Variants in LCA5L observed in about 807,000 individuals in gnomAD.
The protein encoded by LCA5L is lebercilin LCA5 like.
In LCA5L, 35 loss-of-function variants were observed where a neutral mutation model predicts 45.4. The observed-to-expected ratio is 0.77, with a 90% CI of 0.59 to 1.02. The LOEUF is 1.02. Among genes scored for constraint, LCA5L ranks in the 50% least tolerant of loss-of-function variants. The probability of loss-of-function intolerance (pLI) is 0.00; values close to 1 mark genes in which losing one functional copy is unlikely to be tolerated. For synonymous variants in LCA5L, 233 were observed against 264.7 expected (o/e 0.88, Z 1.16); for missense variants, 668 against 761.6 (o/e 0.88, Z 1.45).
rs2039617228 is a variant in LCA5L at position 39,409,105 on chromosome 21, G to A, written c.1282+874C>T. 1.3e-5 allele frequency among the ~76,000 whole-genome samples: 2 copies of A among 152,152 alleles called. No individual in the cohort carries two copies. Among genetic ancestry groups the A allele is most frequent in the Non-Finnish European group, 2.9e-5 (2 of 68,018 alleles). ...TAAGGTTAAATGAGATCACAAGGTT[G>A]GGGCCTTCATGACGGAATTAGTGTC... On this transcript the variant is annotated intron_variant, in intron 10 of 10. Coordinates refer to ENST00000288350, the MANE Select transcript of LCA5L (RefSeq NM_152505.4). This position sits in a 1 kb window ranked among gnomAD's most constrained non-coding sequence, Gnocchi z 4.2.
chr21:39,416,579 T>G (rs984127772), intron 7 of LCA5L, among the ~76,000 whole-genome samples: 1 of 152,312 alleles, frequency 6.6e-6, no homozygotes, highest in South Asian at 2.1e-4. Context: ...TTGCTCCTGG[T>G]TACTCTGAGA....
At chr21:39,406,920 A>T (rs1168911827) in intron 10 of LCA5L, among the ~76,000 whole-genome samples, 4 of 152,202 alleles carry the variant, frequency 2.6e-5, no homozygotes, top group African/African-American at 9.7e-5. Flanking sequence ...CACTAACTGG[A>T]CATACTGCCA....
At chr21:39,414,713 C>CCTCT (rs147915021) in intron 7 of LCA5L, among the ~76,000 whole-genome samples, 1,289 of 119,858 alleles carry the variant, frequency 0.011, 23 homozygotes, top group East Asian at 0.044. Flanking sequence ...TGGTTCTCTC[C>CCTCT]CTCTCTCTCT....
At chr21:39,433,932 T>C (rs1476326470) in intron 3 of LCA5L, among the ~76,000 whole-genome samples, 4 of 140,486 alleles carry the variant, frequency 2.8e-5, no homozygotes, top group Non-Finnish European at 6.0e-5. Flanking sequence ...TCCAGCTTTT[T>C]TTTTTTTTTT....
chr21:39,440,292 A>T (rs1014102623), intron 2 of LCA5L, among the ~76,000 whole-genome samples: 1 of 152,220 alleles, frequency 6.6e-6, no homozygotes, highest in Non-Finnish European at 1.5e-5. Flanking sequence ...AGGGCACAGG[A>T]GCCAGCTTTA....
In LCA5L at chr21:39,428,598, A is replaced by AT. The variant is rs550342233; in HGVS notation, c.-10-96dup. The AT allele has an allele frequency of 2.8e-3, 90 of 32,024 alleles. 5 individuals carry two copies. Among genetic ancestry groups the AT allele is most frequent in the South Asian group, 5.5e-3 (3 of 546 alleles). The allele number at this position is 32,024 out of a possible 1,614,324, so 2.0% of individuals were successfully genotyped here. On this transcript the variant is annotated intron_variant, in intron 4 of 10. Transcript: ENST00000288350. ...TTATTTTATATATATATATATATAT[A>AT]TTTTTTTTTTTTTTTTTTTTTTTTT...
At chr21:39,425,313 AAACAATG>A (rs1254824385) in intron 5 of LCA5L, among the ~76,000 whole-genome samples, 2 of 152,224 alleles carry the variant, frequency 1.3e-5, no homozygotes, top group Non-Finnish European at 2.9e-5. Flanking sequence ...CCTGTGATAG[AAACAATG>A]AACCAAGAGA....
chr21:39,445,188 C>G (rs1190418264), intron 1 of LCA5L, among the ~76,000 whole-genome samples: 1 of 140,458 alleles, frequency 7.1e-6, no homozygotes, highest in African/African-American at 2.6e-5. Context: ...TAAAGAGCCC[C>G]GAGGCTGGGT....
At chr21:39,410,989 G>A (rs1295874204) in intron 8 of LCA5L, 2 of 467,292 alleles carry the variant, frequency 4.3e-6, no homozygotes, top group East Asian at 7.0e-5. Flanking sequence ...GGAGATTTTG[G>A]GGGGAAAGCA....
intron 8 of LCA5L, chr21:39,410,816 G>A (rs913331206): frequency 2.1e-6 from 1 of 470,846 alleles, no homozygotes; most frequent in Non-Finnish European, 4.4e-6. Context: ...ACAACCCCTC[G>A]GTTGATTCAT....
At chr21:39,424,596 A>G (rs1007242929) in intron 5 of LCA5L, among the ~76,000 whole-genome samples, 5 of 152,254 alleles carry the variant, frequency 3.3e-5, no homozygotes, top group African/African-American at 7.2e-5. Flanking sequence ...TTTCAACAAT[A>G]TGTTATGGGT....
intron 7 of LCA5L, 22 bp from the exon 8 acceptor site, chr21:39,411,824 AT>A: frequency 1.5e-6 from 2 of 1,377,666 alleles, no homozygotes; most frequent in South Asian, 1.3e-5. Context: ...CACAAAACCA[AT>A]TTTTCTATAA....
chr21:39,419,891 A>G (rs764740045), intron 7 of LCA5L, among the ~76,000 whole-genome samples: 1 of 152,224 alleles, frequency 6.6e-6, no homozygotes, highest in Non-Finnish European at 1.5e-5. Flanking sequence ...AAAATATTTT[A>G]AAAATTCTTA....
intron 6 of LCA5L, 33 bp downstream of exon 6, chr21:39,422,943 A>C (rs530213811): frequency 1.3e-6 from 2 of 1,595,774 alleles, no homozygotes; most frequent in Admixed American, 3.5e-5. Flanking sequence ...TAACTTTGGA[A>C]TCTTAAACTG....
chr21:39,439,148 GCT>G (rs538820275), intron 2 of LCA5L, among the ~76,000 whole-genome samples: 70 of 152,154 alleles, frequency 4.6e-4, no homozygotes, highest in Non-Finnish European at 9.1e-4. Flanking sequence ...GAGTGAGAAG[GCT>G]CTGTGATCAC....
chr21:39,438,820 T>C (rs995187994), intron 2 of LCA5L: 1 of 152,220 alleles, frequency 6.6e-6, no homozygotes, highest in African/African-American at 2.4e-5. Flanking sequence ...AAAGCATATC[T>C]GTGTATGTGT....
At chr21:39,424,269 C>T (rs994208997) in intron 5 of LCA5L, among the ~76,000 whole-genome samples, 1 of 152,208 alleles carries the variant, frequency 6.6e-6, no homozygotes, top group Non-Finnish European at 1.5e-5. Flanking sequence ...CCTCCTTGGC[C>T]TCCCAAAGTG....
At chr21:39,430,838 G>A (rs576851044) in intron 3 of LCA5L, among the ~76,000 whole-genome samples, 182 of 152,218 alleles carry the variant, frequency 1.2e-3, no homozygotes, top group Non-Finnish European at 2.1e-3. Context: ...TATTTCTGTA[G>A]ACCAATGAGA....
At chr21:39,436,122 G>C (rs2076265605) in intron 2 of LCA5L, 1 of 152,192 alleles carries the variant, frequency 6.6e-6, no homozygotes, top group Non-Finnish European at 1.5e-5. Context: ...TTCCAGTACA[G>C]AGTTGAACAT....
Sources: allele counts gnomAD v4.1 joint callset (sites outside exome capture counted in the v4.1 genomes callset), GRCh38; gene constraint gnomAD v4.1.1; non-coding constraint Gnocchi (gnomAD v3.1); transcripts MANE v1.5; gene names NCBI Gene and HGNC (gene_info 2026-07-23, HGNC 2026-07-21).